The following CCDC9 variants were observed in gnomAD, a reference collection of about 807,000 sequenced individuals.
The protein encoded by CCDC9 is coiled-coil domain-containing protein 9.
CCDC9 carries 52 observed loss-of-function variants against 65.6 expected under a neutral mutation model. That is an observed-to-expected ratio of 0.79 (90% CI 0.63 to 1.00). CCDC9 has a LOEUF of 1.00. CCDC9 is among the 50% of genes least tolerant of loss of function. The pLI is 0.00. For missense variants in CCDC9, 834 were observed against 757.2 expected (o/e 1.10, Z -1.19); for synonymous variants, 332 against 280.3 (o/e 1.18, Z -1.84).
chr19:47,269,848 G>GT (rs774496678), intron 8 of CCDC9, among the ~76,000 whole-genome samples: 2 of 152,278 alleles, frequency 1.3e-5, no homozygotes, highest in Middle Eastern at 3.4e-3. Flanking sequence ...TGTGGGTCAT[G>GT]TACTTGGGCA....
intron 1 of CCDC9, among the ~76,000 whole-genome samples, chr19:47,257,121 G>C (rs2059015429): frequency 6.6e-6 from 1 of 151,712 alleles, no homozygotes; most frequent in Non-Finnish European, 1.5e-5. Context: ...CCACGGGCGC[G>C]GCCAGAGCGT....
chr19:47,269,730 C>T (rs998386046), intron 8 of CCDC9, among the ~76,000 whole-genome samples: 6 of 152,222 alleles, frequency 3.9e-5, no homozygotes, highest in South Asian at 2.1e-4. Context: ...GTGGGAAGAA[C>T]GTTCCAGGAG....
downstream of CCDC9, chr19:47,275,705 G>A: frequency 3.2e-6 from 1 of 314,444 alleles, no homozygotes; most frequent in Non-Finnish European, 6.2e-6. Flanking sequence ...CTCGTGCTGT[G>A]TCTGTCCTGT....
chr19:47,258,592 A>G lies in CCDC9; in HGVS notation c.37A>G (p.Lys13Glu). The stretch of plus-strand genomic sequence containing the variant: ...ACTCGATTTGAAATCAAAGGAGGAG[A>G]AGGATGCTGAGTTGGACAAGAGGAT... ...ATLDLKSKEE[K>E]DAELDKRIEA... Residue 13 changes from lysine (K) to glutamate (E), a missense_variant, in exon 3 of 12, where the codon AAG (lysine) becomes GAG (glutamate). Transcript: ENST00000221922. 6 of 1,614,020 alleles carry G rather than the reference A, an allele frequency of 3.7e-6. No individual in the cohort carries two copies. Among genetic ancestry groups the G allele is most frequent in the Non-Finnish European group, 5.1e-6 (6 of 1,179,984 alleles).
chr19:47,269,018 G>A (rs1447118550), intron 8 of CCDC9, among the ~76,000 whole-genome samples: 1 of 152,088 alleles, frequency 6.6e-6, no homozygotes, highest in East Asian at 1.9e-4. Flanking sequence ...GGCCAAGGCT[G>A]GAGGACTGCT....
chr19:47,258,009 G>GATCT, intron 1 of CCDC9: 3 of 272,138 alleles, frequency 1.1e-5, no homozygotes, highest in Admixed American at 5.0e-5. Context: ...ACAGGGTGTG[G>GATCT]CGGCTGGCCT....
downstream of CCDC9, chr19:47,271,974 C>T: frequency 2.4e-6 from 3 of 1,260,966 alleles, no homozygotes; most frequent in East Asian, 3.0e-5. Context: ...CCAGGTGTGT[C>T]CTTGAACCCC....
At position 47,271,728 on chromosome 19, in the gene CCDC9, TGTGTGCGCGCGCGCGCGCGCGC is replaced by T. The variant is rs1369342524; in HGVS notation, c.*52_*73del. 164 of 914,078 alleles carry T rather than the reference TGTGTGCGCGCGCGCGCGCGCGC, an allele frequency of 1.8e-4. No individual in the cohort carries two copies. The African/African-American group carries it at 1.8e-3, about 10-fold the overall frequency. 56.6% of individuals were successfully genotyped at this position (914,078 alleles called of 1,614,324 possible). A position where few individuals can be genotyped will look rare whatever the true frequency, so the allele number is the denominator to read the frequency against. ...GTGTGTGTGTGTGTGTGTGTGTGTG[TGTGTGCGCGCGCGCGCGCGCGC>T]GCGCGCGCGCTAGAGGGGTGTGGCT... On this transcript the variant is annotated 3_prime_UTR_variant, in exon 12 of 12. Coordinates refer to ENST00000221922, the MANE Select transcript of CCDC9 (RefSeq NM_015603.3).
Position 47,271,769 on chromosome 19 carries a change from T to C in CCDC9, c.*91T>C. The C allele has an allele frequency of 6.9e-7, 1 of 1,441,148 alleles. No individual in the cohort carries two copies. The highest frequency in any genetic ancestry group is 1.5e-5 in the African/African-American group (1 of 66,556). 89.3% of individuals were successfully genotyped at this position (1,441,148 alleles called of 1,614,324 possible). On this transcript the variant is annotated 3_prime_UTR_variant, in exon 12 of 12. Coordinates refer to ENST00000221922, the MANE Select transcript of CCDC9 (RefSeq NM_015603.3). ...CGCGCGCGCGCGCGCGCTAGAGGGG[T>C]GTGGCTGGTGGGGGACCCTTGGGGC... is the stretch of plus-strand genomic sequence containing the variant.
At chr19:47,268,780 G>A (rs893612250) in intron 8 of CCDC9, among the ~76,000 whole-genome samples, 4 of 151,826 alleles carry the variant, frequency 2.6e-5, no homozygotes, top group Non-Finnish European at 5.9e-5. Context: ...AGCCGGGTGT[G>A]GTGGTGGGCG....
At chr19:47,271,009 G>T (rs1332228552) in intron 10 of CCDC9, 73 bp from the exon 11 acceptor site, 4 of 1,117,418 alleles carry the variant, frequency 3.6e-6, no homozygotes, top group Middle Eastern at 2.1e-4. Context: ...TCCCTAGGGA[G>T]GGTGGAGGCA....
chr19:47,273,504 C>G, downstream of CCDC9: 1 of 579,892 alleles, frequency 1.7e-6, no homozygotes, highest in Non-Finnish European at 2.5e-6. Context: ...CACTAACCTC[C>G]CACCGCCTCG....
At position 47,260,586 on chromosome 19, in the gene CCDC9, A is replaced by C. The variant is rs768811346; in HGVS notation, c.211-2A>C. 9.1e-6 allele frequency: 14 copies of C among 1,531,288 alleles called. No homozygotes were observed. Among genetic ancestry groups the C allele is most frequent in the African/African-American group, 1.4e-5 (1 of 72,424 alleles). 94.9% of individuals were successfully genotyped at this position (1,531,288 alleles called of 1,614,324 possible). A position where few individuals can be genotyped will look rare whatever the true frequency, so the allele number is the denominator to read the frequency against. ...GTATTTTCCCCATCTCCCCTCTTCC[A>C]GGAGAAGAACCTGGGTCCTTCCCGG... On this transcript the variant is annotated splice_acceptor_variant, in intron 4 of 11. Transcript: ENST00000221922. LOFTEE classifies it high-confidence loss of function.
rs545757147 is a variant in CCDC9, at chr19:47,261,572, C to T, written c.462+733C>T. ...TAAGAAAATTCAAAAATTAGCTGGACGTGGTGGTGGGCACCTGTAATCCCA... is the reference window on the plus strand; with the variant it reads ...TAAGAAAATTCAAAAATTAGCTGGATGTGGTGGTGGGCACCTGTAATCCCA... On this transcript the variant is annotated intron_variant, in intron 5 of 11. Transcript: ENST00000221922. Among the ~76,000 whole-genome samples the T allele has an allele frequency of 1.3e-4, 19 of 151,990 alleles. No homozygotes were observed. The South Asian group carries it at 2.7e-3, about 22-fold the overall frequency.
chr19:47,270,043 A>G (rs1600289862), intron 8 of CCDC9, among the ~76,000 whole-genome samples: 2 of 150,176 alleles, frequency 1.3e-5, no homozygotes, highest in African/African-American at 4.9e-5. Context: ...ATTACTGCTC[A>G]CTGCAGCCTT....
intron 5 of CCDC9, among the ~76,000 whole-genome samples, chr19:47,264,261 CT>C (rs1342765466): frequency 6.6e-6 from 1 of 152,250 alleles, no homozygotes; most frequent in Non-Finnish European, 1.5e-5. Context: ...AGCAATCCTC[CT>C]GCCTTGGCCT....
At chr19:47,258,759 C>G (rs542537501) in intron 3 of CCDC9, 96 bp downstream of exon 3, 143 of 873,722 alleles carry the variant, frequency 1.6e-4, no homozygotes, top group African/African-American at 9.1e-4. Context: ...CATGGCTCCC[C>G]ATCACTGTCA....
chr19:47,271,981 C>A (rs1382501628), downstream of CCDC9: 5 of 1,252,666 alleles, frequency 4.0e-6, no homozygotes, highest in African/African-American at 3.1e-5. Context: ...TGTCCTTGAA[C>A]CCCCTTCAAC....
chr19:47,273,502 T>G (rs1253471696), downstream of CCDC9: 2 of 577,030 alleles, frequency 3.5e-6, no homozygotes, highest in East Asian at 3.5e-5. Flanking sequence ...TGCACTAACC[T>G]CCCACCGCCT....
Sources: gnomAD v4.1 joint callset for allele counts (sites outside exome capture counted in the v4.1 genomes callset) on GRCh38, gnomAD v4.1.1 for gene constraint, MANE v1.5 for transcripts, NCBI Gene and HGNC (gene_info 2026-07-23, HGNC 2026-07-21) for gene names.